RAB27A: variants seen among roughly 807,000 people sequenced by gnomAD.
RAB27A encodes ras-related protein Rab-27A.
In RAB27A, 17 loss-of-function variants were observed where a neutral mutation model predicts 20.8. The observed-to-expected ratio is 0.82, with a 90% CI of 0.56 to 1.23. The LOEUF (loss-of-function observed/expected upper bound fraction) is 1.23. Ranked by LOEUF, RAB27A falls within the 50% of genes most tolerant of loss-of-function variation. The pLI is 0.00. For missense variants in RAB27A, 277 were observed against 266.7 expected (o/e 1.04, Z -0.27); for synonymous variants, 85 against 92.8 (o/e 0.92, Z 0.48).
intron 2 of RAB27A, among the ~76,000 whole-genome samples, chr15:55,310,849 G>A (rs955176999): frequency 1.3e-5 from 2 of 152,192 alleles, no homozygotes; most frequent in African/African-American, 4.8e-5. Flanking sequence ...ATATAATCAG[G>A]TGACAGAGAG....
In RAB27A at chr15:55,205,459, G is replaced by T. The variant is rs1894594568; in HGVS notation, c.*48C>A. On this transcript the variant is annotated 3_prime_UTR_variant, in exon 7 of 7. Transcript: ENST00000336787. ...TGTGCCATGTATCAATCATAGAGAA[G>T]ATCCCAGGCATGGGCCACCTGAACT... 6.4e-7 allele frequency: 1 copy of T among 1,561,128 alleles called. No homozygotes were observed. Among genetic ancestry groups the T allele is most frequent in the Non-Finnish European group, 8.8e-7 (1 of 1,132,102 alleles).
chr15:55,300,150 T>C (rs1009173401), intron 2 of RAB27A, among the ~76,000 whole-genome samples: 7 of 152,110 alleles, frequency 4.6e-5, no homozygotes, highest in Admixed American at 2.6e-4. Context: ...TATATTGTGA[T>C]TATGAAAGAA....
upstream of RAB27A, among the ~76,000 whole-genome samples, chr15:55,293,547 A>T (rs949696338): frequency 6.6e-6 from 1 of 152,102 alleles, no homozygotes; most frequent in African/African-American, 2.4e-5. Flanking sequence ...CCTAGGCATA[A>T]ATTTAACCAA....
At chr15:55,294,308 C>T (rs1427993129), upstream of RAB27A, among the ~76,000 whole-genome samples, 1 of 152,108 alleles carries the variant, frequency 6.6e-6, no homozygotes, top group East Asian at 1.9e-4. Flanking sequence ...GAAACTGAGG[C>T]CTGGCGCGGT....
intron 2 of RAB27A, among the ~76,000 whole-genome samples, chr15:55,241,511 C>T (rs538081244): frequency 1.3e-5 from 2 of 150,850 alleles, no homozygotes; most frequent in African/African-American, 4.9e-5. Context: ...ATATTTTCAC[C>T]TGTAATACCA....
At chr15:55,266,404 G>C (rs1897487408) in intron 2 of RAB27A, among the ~76,000 whole-genome samples, 1 of 152,218 alleles carries the variant, frequency 6.6e-6, no homozygotes, top group South Asian at 2.1e-4. Context: ...GACATATGGA[G>C]AGAGATTTTG....
At chr15:55,297,803 C>T (rs1459002097) in intron 2 of RAB27A, among the ~76,000 whole-genome samples, 1 of 152,172 alleles carries the variant, frequency 6.6e-6, no homozygotes, top group Non-Finnish European at 1.5e-5. Context: ...GCTAGTACAT[C>T]ATTTCTGTAT....
intron 2 of RAB27A, among the ~76,000 whole-genome samples, chr15:55,238,815 A>C (rs1393976348): frequency 7.1e-6 from 1 of 140,020 alleles, no homozygotes; most frequent in East Asian, 1.9e-4. Flanking sequence ...TTTAATACAG[A>C]TATGTTTACT....
Position 55,266,758 on chromosome 15 carries a change from G to A in RAB27A, c.-23+3407C>T, listed in dbSNP as rs983361782. On this transcript the variant is annotated intron_variant, in intron 2 of 6. Coordinates refer to ENST00000336787, the MANE Select transcript of RAB27A (RefSeq NM_183235.3). ...AAAGTTGCCCAAGGTCACACAGCCA[G>A]AAATGGCAGAACCAAGATGTGATCT... is the stretch of plus-strand genomic sequence containing the variant. 1.2e-4 allele frequency among the ~76,000 whole-genome samples: 18 copies of A among 152,312 alleles called. 1 individual carries two copies. The highest frequency in any genetic ancestry group is 7.8e-4 in the Admixed American group (12 of 15,290).
At chr15:55,277,134 T>A (rs886865002) in intron 1 of RAB27A, among the ~76,000 whole-genome samples, 5 of 152,092 alleles carry the variant, frequency 3.3e-5, no homozygotes, top group Admixed American at 2.6e-4. Flanking sequence ...GATGGAGCAA[T>A]GAGCTAAATT....
upstream of RAB27A, among the ~76,000 whole-genome samples, chr15:55,290,737 T>G (rs1566938111): frequency 6.6e-6 from 1 of 152,202 alleles, no homozygotes; most frequent in Non-Finnish European, 1.5e-5. Flanking sequence ...GCAGCCAAGT[T>G]CATCCCTCTC....
chr15:55,245,097 G>C (rs1896637663), intron 2 of RAB27A, among the ~76,000 whole-genome samples: 1 of 152,136 alleles, frequency 6.6e-6, no homozygotes, highest in Non-Finnish European at 1.5e-5. Flanking sequence ...AGGGACACTT[G>C]TATTTACCAA....
exon 2 of RAB27A, chr15:55,314,133 C>T (rs929476798): frequency 2.1e-5 from 3 of 143,974 alleles, no homozygotes; most frequent in Non-Finnish European, 4.5e-5. Flanking sequence ...CATTGCACTC[C>T]AGCCTGGGCA....
At chr15:55,261,574 C>CAAA in intron 2 of RAB27A, among the ~76,000 whole-genome samples, 1 of 116,844 alleles carries the variant, frequency 8.6e-6, no homozygotes, top group Non-Finnish European at 1.8e-5. Context: ...CTAAAAATAC[C>CAAA]AAAAAAAAAA....
At chr15:55,249,305 C>G (rs1896802789) in intron 2 of RAB27A, among the ~76,000 whole-genome samples, 1 of 152,182 alleles carries the variant, frequency 6.6e-6, no homozygotes, top group South Asian at 2.1e-4. Context: ...GGCAGGGTCT[C>G]ACTCTGTCAC....
intron 3 of RAB27A, among the ~76,000 whole-genome samples, chr15:55,231,177 T>C (rs747526577): frequency 2.0e-5 from 3 of 152,202 alleles, no homozygotes; most frequent in African/African-American, 7.2e-5. Context: ...CATAGTATTC[T>C]ATGATGTATA....
intron 3 of RAB27A, among the ~76,000 whole-genome samples, chr15:55,232,763 T>A (rs1333882238): frequency 6.6e-6 from 1 of 152,148 alleles, no homozygotes; most frequent in African/African-American, 2.4e-5. Flanking sequence ...TGTAACTGCA[T>A]AGTAAATATA....
chr15:55,252,291 C>T (rs114768218), intron 2 of RAB27A, among the ~76,000 whole-genome samples: 1,825 of 152,168 alleles, frequency 0.012, 34 homozygotes, highest in African/African-American at 0.042. Context: ...ACTAAAATCT[C>T]GGAATTTACC....
rs1372628921 is a variant in RAB27A, at chr15:55,232,772, T to TA, written c.153+2009dup. Reference sequence around the variant, plus strand: ...TAAAAATGTAACTGCATAGTAAATATAAAAAACAGTATAAACGTGGTTTTT... The same window carrying TA: ...TAAAAATGTAACTGCATAGTAAATATAAAAAAACAGTATAAACGTGGTTTTT... On this transcript the variant is annotated intron_variant, in intron 3 of 6. Coordinates refer to ENST00000336787, the MANE Select transcript of RAB27A (RefSeq NM_183235.3). Among the ~76,000 whole-genome samples, 3 of 152,224 alleles carry TA rather than the reference T, an allele frequency of 2.0e-5. No homozygotes were observed. The East Asian group carries it at 5.8e-4, about 29-fold the overall frequency.
Sources: allele counts gnomAD v4.1 joint callset (sites outside exome capture counted in the v4.1 genomes callset), GRCh38; gene constraint gnomAD v4.1.1; transcripts MANE v1.5; gene names NCBI Gene and HGNC (gene_info 2026-07-23, HGNC 2026-07-21).